Variants in LPIN2 observed in about 807,000 individuals in gnomAD.
LPIN2 encodes the protein lipin 2.
Under a neutral mutation model 111.4 loss-of-function variants are expected in LPIN2, and 55 were observed. That is an observed-to-expected ratio of 0.49 (90% confidence interval 0.40 to 0.62). The LOEUF (loss-of-function observed/expected upper bound fraction) is 0.62. Ranked by LOEUF, LPIN2 falls within the 20% of genes least tolerant of loss-of-function variation. LPIN2 has a pLI of 0.00. For synonymous variants in LPIN2, 425 were observed against 414.0 expected (o/e 1.03, Z -0.32); for missense variants, 992 against 1,112.1 (o/e 0.89, Z 1.54).
chr18:3,009,208 G>A (rs893705042), intron 1 of LPIN2, among the ~76,000 whole-genome samples: 1 of 151,750 alleles, frequency 6.6e-6, no homozygotes, highest in Non-Finnish European at 1.5e-5. Flanking sequence ...CACTATTCTG[G>A]CTAACACAGT....
chr18:2,999,881 C>A (rs758592287), intron 1 of LPIN2, among the ~76,000 whole-genome samples: 3 of 152,050 alleles, frequency 2.0e-5, no homozygotes, highest in Non-Finnish European at 4.4e-5. Flanking sequence ...CACAGCAAGA[C>A]CCTGTCTCTA....
At chr18:3,007,796 G>A (rs138877180) in intron 1 of LPIN2, among the ~76,000 whole-genome samples, 7 of 152,252 alleles carry the variant, frequency 4.6e-5, no homozygotes, top group African/African-American at 1.4e-4. Flanking sequence ...GGCACATACC[G>A]GAGGGCAATT....
intron 13 of LPIN2, among the ~76,000 whole-genome samples, chr18:2,926,255 C>T (rs1442606755): frequency 1.3e-5 from 2 of 152,358 alleles, no homozygotes; most frequent in East Asian, 3.9e-4. Flanking sequence ...GAGAAGCAAG[C>T]ATGCACTGGC....
At chr18:2,926,652 A>C in intron 13 of LPIN2, 71 bp downstream of exon 13, 1 of 1,373,428 alleles carries the variant, frequency 7.3e-7, no homozygotes, top group Non-Finnish European at 1.0e-6. Flanking sequence ...AGCTGCCAAA[A>C]TCAACTTAGA....
At chr18:2,921,971 C>T (rs1027812470) in intron 17 of LPIN2, 76 bp downstream of exon 17, 6 of 1,519,784 alleles carry the variant, frequency 3.9e-6, no homozygotes, top group Non-Finnish European at 4.4e-6. Flanking sequence ...TCTGTTCCCA[C>T]ACATCCCCCC....
At chr18:2,934,547 A>C in intron 7 of LPIN2, 97 bp from the exon 8 acceptor site, 1 of 789,952 alleles carries the variant, frequency 1.3e-6, no homozygotes. Context: ...AGTGACAAGC[A>C]GGATTTGAAT....
At chr18:3,008,893 T>TG (rs1567868957) in intron 1 of LPIN2, among the ~76,000 whole-genome samples, 29 of 151,226 alleles carry the variant, frequency 1.9e-4, no homozygotes, top group African/African-American at 7.1e-4. Flanking sequence ...TTTTTTTTTT[T>TG]TTTTTGGAGA....
intron 16 of LPIN2, 152 bp downstream of exon 16, chr18:2,923,623 C>A: frequency 1.3e-6 from 1 of 750,930 alleles, no homozygotes; most frequent in East Asian, 2.6e-5. Flanking sequence ...ACACGGCTCC[C>A]ACACCATCAA....
intron 1 of LPIN2, among the ~76,000 whole-genome samples, chr18:2,990,013 A>G (rs987744846): frequency 3.9e-5 from 6 of 152,224 alleles, no homozygotes; most frequent in African/African-American, 1.4e-4. Flanking sequence ...GAGTCCAGAA[A>G]TAAACCCAAA....
chr18:2,959,956 G>T (rs2143193171), intron 2 of LPIN2, among the ~76,000 whole-genome samples: 1 of 152,178 alleles, frequency 6.6e-6, no homozygotes, highest in Non-Finnish European at 1.5e-5. Flanking sequence ...ATCACTTGAG[G>T]TCAGGAGTTC....
intron 1 of LPIN2, among the ~76,000 whole-genome samples, chr18:2,966,772 G>A (rs1252302594): frequency 2.0e-5 from 3 of 152,090 alleles, no homozygotes; most frequent in Admixed American, 6.5e-5. Context: ...TAACCCTCCC[G>A]CTGGACCATG....
At chr18:2,928,367 T>C (rs1019143886) in intron 11 of LPIN2, among the ~76,000 whole-genome samples, 62 of 152,340 alleles carry the variant, frequency 4.1e-4, no homozygotes, top group African/African-American at 1.5e-3. Context: ...AGTATTTATG[T>C]CTAATAAAAA....
chr18:2,925,092 G>C lies in LPIN2; in HGVS notation c.1938+132C>G. 1 of 1,214,134 alleles carries C rather than the reference G, an allele frequency of 8.2e-7. No individual in the cohort carries two copies. Among genetic ancestry groups the C allele is most frequent in the South Asian group, 1.3e-5 (1 of 78,996 alleles). The allele number at this position is 1,214,134 out of a possible 1,614,324, so 75.2% of individuals were successfully genotyped here. On this transcript the variant is annotated intron_variant, in intron 14 of 19. Transcript: ENST00000677752. The surrounding 1 kb of genome is among the most constrained non-coding windows in gnomAD (Gnocchi z 4.1). ...GGGCGGCGGTCGTGGTTCCACTGTG[G>C]ATAGGCATTGACACGACCATGCCGT...
chr18:2,981,640 T>C (rs1314053084), intron 1 of LPIN2, among the ~76,000 whole-genome samples: 2 of 152,228 alleles, frequency 1.3e-5, no homozygotes, highest in African/African-American at 4.8e-5. Flanking sequence ...ATACATTCTA[T>C]AATATTACAA....
Position 2,929,226 on chromosome 18 carries a change from C to G in LPIN2, c.1457-68G>C, listed in dbSNP as rs1598528852. ...AATCCCTATATGAGATTATAATACTCTCTGCATTGCAGAAATTGAAGGCTA... is the reference window on the plus strand; with the variant it reads ...AATCCCTATATGAGATTATAATACTGTCTGCATTGCAGAAATTGAAGGCTA... On this transcript the variant is annotated intron_variant, in intron 9 of 19. Coordinates refer to ENST00000677752, the MANE Select transcript of LPIN2 (RefSeq NM_001375808.2). 3 of 984,948 alleles carry G rather than the reference C, an allele frequency of 3.0e-6. No individual in the cohort carries two copies. In the East Asian group the frequency reaches 7.2e-5, roughly 24 times the overall value. 61.0% of individuals were successfully genotyped at this position (984,948 alleles called of 1,614,324 possible). A position where few individuals can be genotyped will look rare whatever the true frequency, so the allele number is the denominator to read the frequency against.
At chr18:2,991,884 C>G (rs947798262) in intron 1 of LPIN2, among the ~76,000 whole-genome samples, 1 of 151,950 alleles carries the variant, frequency 6.6e-6, no homozygotes. Context: ...GTGGCGTGCA[C>G]CTGTAATCCC....
At chr18:2,924,652 G>T in intron 14 of LPIN2, 106 bp from the exon 15 acceptor site, 1 of 1,223,368 alleles carries the variant, frequency 8.2e-7, no homozygotes, top group Non-Finnish European at 1.2e-6. Context: ...CAAGAGGCAG[G>T]ATGGTTTCCG....
intron 1 of LPIN2, among the ~76,000 whole-genome samples, chr18:2,971,206 CT>C (rs1403358705): frequency 6.6e-6 from 1 of 152,210 alleles, no homozygotes; most frequent in Non-Finnish European, 1.5e-5. Context: ...CAGTTTTCAT[CT>C]TAATCTGGTA....
At chr18:2,949,648 T>C (rs1234389366) in intron 4 of LPIN2, among the ~76,000 whole-genome samples, 1 of 152,206 alleles carries the variant, frequency 6.6e-6, no homozygotes, top group Non-Finnish European at 1.5e-5. Flanking sequence ...TTACTTATAA[T>C]ATCGAATTGT....
Sources: gnomAD v4.1 joint callset for allele counts (sites outside exome capture counted in the v4.1 genomes callset) on GRCh38, gnomAD v4.1.1 for gene constraint, Gnocchi (gnomAD v3.1) non-coding constraint, MANE v1.5 for transcripts, NCBI Gene and HGNC (gene_info 2026-07-23, HGNC 2026-07-21) for gene names.